CDH15: variants seen among roughly 807,000 people sequenced by gnomAD.
The protein encoded by CDH15 is cadherin 15, also known as cadherin-15.
Under a neutral mutation model 69.4 loss-of-function variants are expected in CDH15, and 73 were observed. The ratio of observed to expected loss-of-function variants is 1.05; its 90% CI spans 0.87 to 1.28. CDH15 has a LOEUF of 1.28. CDH15 is among the 50% of genes most tolerant of loss of function. CDH15 has a pLI of 0.00. For synonymous variants in CDH15, 624 were observed against 507.7 expected (o/e 1.23, Z -3.08); for missense variants, 1,343 against 1,133.6 (o/e 1.18, Z -2.65).
intron 1 of CDH15, among the ~76,000 whole-genome samples, chr16:89,178,697 A>G (rs1251809111): frequency 6.6e-6 from 1 of 152,224 alleles, no homozygotes; most frequent in African/African-American, 2.4e-5. Context: ...GCCACACAGC[A>G]CAGTCCAGTT....
At chr16:89,184,674 C>T (rs1331091233) in intron 4 of CDH15, among the ~76,000 whole-genome samples, 2 of 151,812 alleles carry the variant, frequency 1.3e-5, no homozygotes, top group Non-Finnish European at 2.9e-5. Context: ...CCTTCCCCTG[C>T]GTCCTCTGCC....
chr16:89,180,359 C>T lies in CDH15; in HGVS notation c.357+4C>T, dbSNP rs765286825. On this transcript the variant is annotated splice_donor_region_variant and intron_variant, in intron 3 of 13. Coordinates refer to ENST00000289746, the MANE Select transcript of CDH15 (RefSeq NM_004933.3). ...CGAGAAGACTGATCGCTTCAGGGTG[C>T]GGAGCTGCGTGGTCGGACCTGTGCC... 9.3e-6 allele frequency: 15 copies of T among 1,610,516 alleles called. No individual in the cohort carries two copies. The highest frequency in any genetic ancestry group is 1.7e-4 in the Middle Eastern group (1 of 6,034).
Position 89,183,605 on chromosome 16 carries a change from G to A in CDH15, c.415G>A (p.Glu139Lys). 1.9e-6 allele frequency: 3 copies of A among 1,614,170 alleles called. No homozygotes were observed. The highest frequency in any genetic ancestry group is 2.5e-6 in the Non-Finnish European group (3 of 1,180,032). The change falls in exon 4 of 14, where the codon GAG becomes AAG. Residue 139 changes from glutamate to lysine, a missense_variant. By Grantham distance (56) the Glu-to-Lys change is moderately conservative (BLOSUM62 1). Transcript: ENST00000289746. ...CACCCTGGAGGACCCCACGGACCTG[G>A]AGATTGTAGTTGTGGATCAGAATGA... ...GSTLEDPTDL[E>K]IVVVDQNDNR...
chr16:89,171,935 T>G (rs1403227252), intron 1 of CDH15, 62 bp downstream of exon 1: 2 of 1,479,242 alleles, frequency 1.4e-6, no homozygotes, highest in Non-Finnish European at 1.8e-6. Flanking sequence ...GACAGTGTCT[T>G]CAACTGCAGC....
In CDH15 at chr16:89,194,847, C is replaced by T. The variant is rs773018679; in HGVS notation, c.2152-15C>T. The T allele has an allele frequency of 2.6e-5, 41 of 1,593,912 alleles. No individual in the cohort carries two copies. The highest frequency in any genetic ancestry group is 5.6e-5 in the South Asian group (5 of 88,998). ...GCCCCTCCATGTGTCTTGAGCTCTCCGGGCCTCTTTATAGGGCTTGGAGGC... is the reference window on the plus strand; with the variant it reads ...GCCCCTCCATGTGTCTTGAGCTCTCTGGGCCTCTTTATAGGGCTTGGAGGC... On this transcript the variant is annotated splice_polypyrimidine_tract_variant and intron_variant, in intron 13 of 13. Coordinates refer to ENST00000289746, the MANE Select transcript of CDH15 (RefSeq NM_004933.3).
chr16:89,193,991 C>T (rs1270141338), intron 13 of CDH15, 78 bp downstream of exon 13: 1 of 1,495,172 alleles, frequency 6.7e-7, no homozygotes, highest in African/African-American at 1.4e-5. Context: ...CACACCTGCA[C>T]ATGCATGCAA....
At position 89,193,760 on chromosome 16, in the gene CDH15, C is replaced by T. The variant is rs775658568; in HGVS notation, c.1998C>T (p.Ala666=). ...TTCCACCTCCTCGCCCACAGGACGC[C>T]TACGACATCAGCCAGCTGCGTCACC... ...EQGGGEEDQD[A]YDISQLRHPT... Residue 666 remains alanine (A), a synonymous_variant, in exon 13 of 14, where the codon GCC becomes GCT. Transcript: ENST00000289746. 3.7e-6 allele frequency: 6 copies of T among 1,603,778 alleles called. No homozygotes were observed. Among genetic ancestry groups the T allele is most frequent in the East Asian group, 2.2e-5 (1 of 44,718 alleles).
rs578047272 is a variant in CDH15 at position 89,176,159 on chromosome 16, G to A, written c.43-3257G>A. On this transcript the variant is annotated intron_variant, in intron 1 of 13. Coordinates refer to ENST00000289746, the MANE Select transcript of CDH15 (RefSeq NM_004933.3). ...CTGGCCATGCCAACATCTCCTTCCC[G>A]GCCCCCGCCCACTCAGACTTACCAG... 3.4e-3 allele frequency among the ~76,000 whole-genome samples: 511 copies of A among 152,314 alleles called. 6 individuals are homozygous for A. Among genetic ancestry groups the A allele is most frequent in the African/African-American group, 0.012 (480 of 41,578 alleles).
At chr16:89,172,547 C>T (rs1233881877) in intron 1 of CDH15, among the ~76,000 whole-genome samples, 1 of 152,140 alleles carries the variant, frequency 6.6e-6, no homozygotes, top group Admixed American at 6.5e-5. Context: ...GGGGCCCAGC[C>T]CCCAGAGGCT....
chr16:89,195,268 C>A lies in CDH15; in HGVS notation c.*113C>A, dbSNP rs570315821. 2.5e-6 allele frequency: 3 copies of A among 1,180,088 alleles called. No individual in the cohort carries two copies. Among genetic ancestry groups the A allele is most frequent in the Non-Finnish European group, 1.2e-6 (1 of 867,252 alleles). 73.1% of individuals were successfully genotyped at this position (1,180,088 alleles called of 1,614,324 possible). A position where few individuals can be genotyped will look rare whatever the true frequency, so the allele number is the denominator to read the frequency against. The stretch of plus-strand genomic sequence containing the variant: ...CCCCTGGGCCTGGGGCAGCCTCCTT[C>A]CTGTAGGCGAGGGCCCAAGTCTGGG... On this transcript the variant is annotated 3_prime_UTR_variant, in exon 14 of 14. Coordinates refer to ENST00000289746, the MANE Select transcript of CDH15 (RefSeq NM_004933.3).
Position 89,195,062 on chromosome 16 carries a change from C to T in CDH15, c.2352C>T (p.Cys784=), listed in dbSNP as rs749120032. ...ARLADMYGHP[C]GLEYGARWDH... ...TGGCAGACATGTATGGGCACCCGTG[C>T]GGGTTGGAGTACGGGGCCAGATGGG... is the stretch of plus-strand genomic sequence containing the variant. The change falls in exon 14 of 14, where the codon TGC becomes TGT. Residue 784 remains cysteine (C), a synonymous_variant. Transcript: ENST00000289746. 18 of 1,612,334 alleles carry T rather than the reference C, an allele frequency of 1.1e-5. No individual in the cohort carries two copies. The highest frequency in any genetic ancestry group is 3.3e-4 in the Middle Eastern group (2 of 6,046).
In CDH15 at chr16:89,195,491, C is replaced by T; in HGVS notation, c.*336C>T. Reference sequence around the variant, plus strand: ...GAAAAACGTGCTAGTCTCTTTCATGCAGGACGGGCGCCCACTGCCACACTG... The same window carrying T: ...GAAAAACGTGCTAGTCTCTTTCATGTAGGACGGGCGCCCACTGCCACACTG... On this transcript the variant is annotated 3_prime_UTR_variant, in exon 14 of 14. Transcript: ENST00000289746. The T allele has an allele frequency of 2.8e-6, 1 of 355,186 alleles. No homozygotes were observed. The highest frequency in any genetic ancestry group is 5.0e-5 in the South Asian group (1 of 20,200). The allele number at this position is 355,186 out of a possible 1,614,324, so 22.0% of individuals were successfully genotyped here.
chr16:89,188,349 C>T, intron 7 of CDH15, 64 bp downstream of exon 7: 1 of 1,352,442 alleles, frequency 7.4e-7, no homozygotes, highest in East Asian at 2.4e-5. Flanking sequence ...CACAGATGCC[C>T]ACACACAGAT....
At chr16:89,194,159 A>T (rs1166525538) in intron 13 of CDH15, among the ~76,000 whole-genome samples, 1 of 152,210 alleles carries the variant, frequency 6.6e-6, no homozygotes, top group African/African-American at 2.4e-5. Context: ...GGCGATGGCC[A>T]CAGACCCATC....
chr16:89,185,417 C>A (rs750833372), intron 5 of CDH15, 84 bp downstream of exon 5: 6 of 1,425,224 alleles, frequency 4.2e-6, no homozygotes, highest in South Asian at 1.2e-5. Context: ...AGCCTGCCCA[C>A]CCCAGACGCT....
At position 89,171,788 on chromosome 16, in the gene CDH15, T is replaced by C. The variant is rs2151596262; in HGVS notation, c.-44T>C. Reference sequence around the variant, plus strand: ...TGTCACTCAGCCTGGACGCGCTTCTTCGGGTCGCGGGTGCACTCCGGCCCG... The same window carrying C: ...TGTCACTCAGCCTGGACGCGCTTCTCCGGGTCGCGGGTGCACTCCGGCCCG... On this transcript the variant is annotated 5_prime_UTR_variant, in exon 1 of 14. Transcript: ENST00000289746. The C allele has an allele frequency of 6.5e-7, 1 of 1,539,770 alleles. No homozygotes were observed. Among genetic ancestry groups the C allele is most frequent in the South Asian group, 1.2e-5 (1 of 84,082 alleles).
In CDH15 at chr16:89,190,228, G is replaced by A; in HGVS notation, c.979-15G>A. The A allele has an allele frequency of 6.2e-7, 1 of 1,610,750 alleles. No individual in the cohort carries two copies. The highest frequency in any genetic ancestry group is 8.5e-7 in the Non-Finnish European group (1 of 1,179,122). ...TTGCGTTGGGCGGATGACGGGCTGT[G>A]CTTCCTTCCCTCAGGCCCTGGACTA... On this transcript the variant is annotated splice_polypyrimidine_tract_variant and intron_variant, in intron 7 of 13. Coordinates refer to ENST00000289746, the MANE Select transcript of CDH15 (RefSeq NM_004933.3).
intron 1 of CDH15, among the ~76,000 whole-genome samples, chr16:89,176,490 G>A (rs1405821431): frequency 6.6e-6 from 1 of 152,228 alleles, no homozygotes; most frequent in Non-Finnish European, 1.5e-5. Flanking sequence ...CGGGGAGCTG[G>A]GTGAGGCCTC....
Position 89,194,868 on chromosome 16 carries a change from G to T in CDH15, c.2158G>T (p.Glu720Ter), listed in dbSNP as rs767748574. The change falls in exon 14 of 14, where the codon GAG (glutamate) becomes TAG (stop). Residue 720 changes from glutamate (E) to a stop codon, truncating the protein, a stop_gained. Coordinates refer to ENST00000289746, the MANE Select transcript of CDH15 (RefSeq NM_004933.3). LOFTEE classifies it low-confidence loss of function (END_TRUNC). ...TCTCCGGGCCTCTTTATAGGGCTTG[G>T]AGGCTGCAGATAGTGACCCCAGTGT... ...DIADFINDGL[E>*]AADSDPSVPP... 4 of 1,603,776 alleles carry T rather than the reference G, an allele frequency of 2.5e-6. No homozygotes were observed. In the East Asian group the frequency reaches 8.9e-5, roughly 36 times the overall value.
Sources: allele counts gnomAD v4.1 joint callset (sites outside exome capture counted in the v4.1 genomes callset), GRCh38; gene constraint gnomAD v4.1.1; transcripts MANE v1.5; gene names NCBI Gene and HGNC (gene_info 2026-07-23, HGNC 2026-07-21).